Variants in MYO16 observed in about 807,000 individuals in gnomAD.
MYO16 encodes the protein myosin XVI.
Under a neutral mutation model 205.3 loss-of-function variants are expected in MYO16, and 94 were observed. That is an observed-to-expected ratio of 0.46 (90% CI 0.39 to 0.54). The LOEUF (loss-of-function observed/expected upper bound fraction) is 0.54, where lower values mean the gene tolerates loss of function less well. MYO16 is among the 20% of genes least tolerant of loss of function. The probability of loss-of-function intolerance (pLI) is 0.00; values close to 1 mark genes in which losing one functional copy is unlikely to be tolerated. For missense variants in MYO16, 2,315 were observed against 2,387.5 expected (o/e 0.97, Z 0.63); for synonymous variants, 988 against 954.0 (o/e 1.04, Z -0.66).
At chr13:109,123,238 A>G (rs370951230) in intron 29 of MYO16, among the ~76,000 whole-genome samples, 3 of 152,208 alleles carry the variant, frequency 2.0e-5, no homozygotes, top group Non-Finnish European at 4.4e-5. Flanking sequence ...AGAATTTTAA[A>G]AGGCTATTGG....
intron 33 of MYO16, among the ~76,000 whole-genome samples, chr13:109,172,603 A>G (rs1466930069): frequency 6.6e-6 from 1 of 152,162 alleles, no homozygotes; most frequent in Non-Finnish European, 1.5e-5. Flanking sequence ...TAACTCCCCG[A>G]CCATGGGCAA....
At chr13:109,204,889 C>T (rs1239218366) in intron 34 of MYO16, among the ~76,000 whole-genome samples, 1 of 152,132 alleles carries the variant, frequency 6.6e-6, no homozygotes, top group Non-Finnish European at 1.5e-5. Context: ...ACCTAGCACA[C>T]GTGTAGCCAA....
chr13:108,542,892 T>C, the MYO16 span, among the ~76,000 whole-genome samples: 3 of 151,488 alleles, frequency 2.0e-5, no homozygotes, highest in Admixed American at 1.3e-4. Flanking sequence ...TAGTAATTTA[T>C]TTTATAATAA....
rs114672976 is a variant in MYO16 at position 109,189,902 on chromosome 13, C to T, written c.5415+10269C>T. On this transcript the variant is annotated intron_variant, in intron 34 of 34. Coordinates refer to ENST00000457511, the MANE Select transcript of MYO16 (RefSeq NM_001198950.3). The stretch of plus-strand genomic sequence containing the variant: ...TCATTCTCTACGTTTTGATTCCCTA[C>T]CACGATTTGTGTTTTGTTGTTGTTT... Among the ~76,000 whole-genome samples, 481 of 148,938 alleles carry T rather than the reference C, an allele frequency of 3.2e-3. 4 individuals carry two copies. The highest frequency in any genetic ancestry group is 0.011 in the African/African-American group (457 of 40,146).
chr13:109,022,252 CAA>C (rs1886061987), intron 23 of MYO16, among the ~76,000 whole-genome samples: 2 of 118,346 alleles, frequency 1.7e-5, no homozygotes, highest in South Asian at 2.5e-4. Flanking sequence ...TTTATATATA[CAA>C]ATATATATAC....
At chr13:108,988,611 C>A (rs1884718351) in intron 20 of MYO16, among the ~76,000 whole-genome samples, 1 of 152,120 alleles carries the variant, frequency 6.6e-6, no homozygotes, top group African/African-American at 2.4e-5. Flanking sequence ...CCACACATGC[C>A]ACAGTGGCCA....
chr13:109,032,557 A>G (rs190025506), intron 23 of MYO16, among the ~76,000 whole-genome samples: 23 of 152,330 alleles, frequency 1.5e-4, no homozygotes, highest in Admixed American at 3.3e-4. Context: ...CCACATTTGG[A>G]TGTTATTAAA....
At chr13:109,143,344 A>C (rs1011372530) in intron 32 of MYO16, among the ~76,000 whole-genome samples, 1 of 152,150 alleles carries the variant, frequency 6.6e-6, no homozygotes. Context: ...AAATAAGCTA[A>C]TTGTTTGTTT....
chr13:108,855,582 C>A, intron 11 of MYO16, 29 bp downstream of exon 11: 1 of 1,421,422 alleles, frequency 7.0e-7, no homozygotes, highest in Non-Finnish European at 9.8e-7. Flanking sequence ...GCCTTTTGCA[C>A]TGTTTTTCTC....
At chr13:109,077,486 C>T (rs1888146553) in intron 27 of MYO16, among the ~76,000 whole-genome samples, 1 of 152,198 alleles carries the variant, frequency 6.6e-6, no homozygotes, top group South Asian at 2.1e-4. Context: ...TGCATTGACA[C>T]ATTATTATCA....
the MYO16 span, among the ~76,000 whole-genome samples, chr13:108,516,074 C>G: frequency 6.8e-6 from 1 of 147,668 alleles, no homozygotes; most frequent in East Asian, 2.1e-4. Context: ...CCTCCCCCAG[C>G]CTCGTTGCCG....
chr13:108,701,698 A>G (rs1166787547), intron 2 of MYO16, among the ~76,000 whole-genome samples: 1 of 152,220 alleles, frequency 6.6e-6, no homozygotes, highest in East Asian at 1.9e-4. Context: ...CAGAGAGAGA[A>G]AAAAGTAGTC....
intron 9 of MYO16, among the ~76,000 whole-genome samples, chr13:108,837,137 G>A (rs1020441971): frequency 6.6e-6 from 1 of 152,150 alleles, no homozygotes; most frequent in Non-Finnish European, 1.5e-5. Context: ...GAATGATCAG[G>A]GTGGTTTCCC....
intron 34 of MYO16, among the ~76,000 whole-genome samples, chr13:109,205,504 G>C (rs1846148610): frequency 6.6e-6 from 1 of 152,226 alleles, no homozygotes; most frequent in African/African-American, 2.4e-5. Flanking sequence ...GAACAAAGTA[G>C]TTAGTGCTTT....
intron 9 of MYO16, among the ~76,000 whole-genome samples, chr13:108,840,363 T>C (rs997236496): frequency 4.6e-5 from 7 of 152,150 alleles, no homozygotes; most frequent in Admixed American, 3.3e-4. Context: ...TATGGTTCAG[T>C]TGGAAGGCAG....
chr13:108,874,469 C>T (rs1879225717), intron 12 of MYO16, among the ~76,000 whole-genome samples: 1 of 152,076 alleles, frequency 6.6e-6, no homozygotes, highest in African/African-American at 2.4e-5. Context: ...AATGGCTTTA[C>T]ATTTATTGTC....
intron 33 of MYO16, among the ~76,000 whole-genome samples, chr13:109,177,716 C>T (rs1005306114): frequency 1.2e-4 from 18 of 152,102 alleles, no homozygotes; most frequent in African/African-American, 2.7e-4. Flanking sequence ...GGGATTTCAC[C>T]GTGTTGGCTG....
At chr13:108,809,025 C>G (rs1250107601) in intron 7 of MYO16, among the ~76,000 whole-genome samples, 1 of 152,170 alleles carries the variant, frequency 6.6e-6, no homozygotes, top group Non-Finnish European at 1.5e-5. Flanking sequence ...ACTTCCCAAA[C>G]TTTTTAAAAT....
intron 10 of MYO16, among the ~76,000 whole-genome samples, chr13:108,853,702 A>C (rs944441151): frequency 6.6e-6 from 1 of 150,848 alleles, no homozygotes; most frequent in Non-Finnish European, 1.5e-5. Flanking sequence ...CCCTAGGTTT[A>C]AATAACCCAA....
Sources: gnomAD v4.1 joint callset for allele counts (sites outside exome capture counted in the v4.1 genomes callset) on GRCh38, gnomAD v4.1.1 for gene constraint, MANE v1.5 for transcripts, NCBI Gene and HGNC (gene_info 2026-07-23, HGNC 2026-07-21) for gene names.